Variants in RBMS3 observed in about 807,000 individuals in gnomAD.
RBMS3 encodes the protein RNA binding motif single stranded interacting protein 3, also known as RNA-binding motif, single-stranded-interacting protein 3.
RBMS3 carries 27 observed loss-of-function variants against 66.8 expected under a neutral mutation model. The observed-to-expected ratio is 0.40, with a 90% CI of 0.30 to 0.56. The LOEUF (loss-of-function observed/expected upper bound fraction) is 0.56. RBMS3 is among the 20% of genes least tolerant of loss of function. RBMS3 has a pLI of 0.40. For synonymous variants in RBMS3, 188 were observed against 183.0 expected, an observed-to-expected ratio of 1.03 and a Z score of -0.22; for missense variants, 513 against 549.5, an observed-to-expected ratio of 0.93 and a Z score of 0.66.
chr3:29,450,051 C>A (rs532710412), intron 2 of RBMS3, among the ~76,000 whole-genome samples: 2 of 152,192 alleles, frequency 1.3e-5, no homozygotes, highest in Non-Finnish European at 1.5e-5. Flanking sequence ...GCAGAGGAAC[C>A]ACAGCCCCCA....
chr3:29,922,303 A>C (rs1355143656), intron 10 of RBMS3, among the ~76,000 whole-genome samples: 3 of 151,478 alleles, frequency 2.0e-5, no homozygotes, highest in Non-Finnish European at 4.4e-5. Flanking sequence ...CTGGCTAACA[A>C]GGTGAAACCC....
chr3:29,356,773 T>C (rs1172373792), intron 1 of RBMS3, among the ~76,000 whole-genome samples: 1 of 152,152 alleles, frequency 6.6e-6, no homozygotes, highest in African/African-American at 2.4e-5. Context: ...TTCAGATACC[T>C]AATATGACCA....
intron 5 of RBMS3, among the ~76,000 whole-genome samples, chr3:29,744,536 C>G (rs1240877322): frequency 6.6e-6 from 1 of 152,154 alleles, no homozygotes; most frequent in African/African-American, 2.4e-5. Flanking sequence ...GTAATCCCAG[C>G]ACTTTGGGAG....
At chr3:29,955,263 G>T (rs1465963818) in intron 12 of RBMS3, among the ~76,000 whole-genome samples, 1 of 151,932 alleles carries the variant, frequency 6.6e-6, no homozygotes, top group East Asian at 1.9e-4. Context: ...GAGTCAGCGG[G>T]TTCTCATTCT....
At chr3:29,814,800 A>T (rs2057834275) in intron 6 of RBMS3, among the ~76,000 whole-genome samples, 1 of 152,226 alleles carries the variant, frequency 6.6e-6, no homozygotes, top group East Asian at 1.9e-4. Flanking sequence ...TTTAAAAAAA[A>T]TTGGTATCTC....
rs189979885 is a variant in RBMS3, at chr3:29,849,672, G to A, written c.638-19186G>A. Among the ~76,000 whole-genome samples the A allele has an allele frequency of 6.8e-4, 104 of 152,236 alleles. 1 individual carries two copies. The highest frequency in any genetic ancestry group is 2.4e-3 in the African/African-American group (98 of 41,532). On this transcript the variant is annotated intron_variant, in intron 6 of 14. Coordinates refer to ENST00000383767, the MANE Select transcript of RBMS3 (RefSeq NM_001003793.3). ...TATAGTTATCAAACAAATGGGGAAG[G>A]TCCAATAATGTTAAAAGAACAAAAT...
At chr3:29,869,021 G>A (rs1209554000) in intron 7 of RBMS3, 57 bp downstream of exon 7, 3 of 1,417,830 alleles carry the variant, frequency 2.1e-6, no homozygotes, top group African/African-American at 1.4e-5. Context: ...TCCCTCAGAA[G>A]GTGGCAAGGC....
intron 4 of RBMS3, chr3:29,615,076 T>A (rs1186024770): frequency 3.3e-5 from 5 of 152,460 alleles, no homozygotes; most frequent in African/African-American, 1.2e-4. Flanking sequence ...TTGTGTTCAG[T>A]GACAGCACAT....
intron 1 of RBMS3, among the ~76,000 whole-genome samples, chr3:29,325,035 T>C (rs2035239127): frequency 6.6e-6 from 1 of 152,156 alleles, no homozygotes; most frequent in South Asian, 2.1e-4. Flanking sequence ...CAAGAGAATA[T>C]TGGAAACAAC....
At chr3:29,510,131 T>C (rs1330457896) in intron 3 of RBMS3, among the ~76,000 whole-genome samples, 1 of 152,234 alleles carries the variant, frequency 6.6e-6, no homozygotes, top group Non-Finnish European at 1.5e-5. Flanking sequence ...CTTTAAACAA[T>C]GCTTTAATCA....
chr3:29,808,062 G>C (rs1041239621), intron 6 of RBMS3, among the ~76,000 whole-genome samples: 1 of 151,860 alleles, frequency 6.6e-6, no homozygotes, highest in African/African-American at 2.4e-5. Flanking sequence ...CAGGTTTACT[G>C]TAGTAATCCA....
chr3:29,760,853 G>C (rs1312621515), intron 5 of RBMS3, among the ~76,000 whole-genome samples: 1 of 151,740 alleles, frequency 6.6e-6, no homozygotes, highest in African/African-American at 2.4e-5. Context: ...ACAAAATGCT[G>C]TTTTTGTTTT....
chr3:29,562,866 A>G (rs2046605694), intron 3 of RBMS3, among the ~76,000 whole-genome samples: 1 of 152,196 alleles, frequency 6.6e-6, no homozygotes, highest in Non-Finnish European at 1.5e-5. Flanking sequence ...TAAAAATATA[A>G]TTCCTACAGG....
Position 29,712,624 on chromosome 3 carries a change from T to C in RBMS3, c.400-27096T>C, listed in dbSNP as rs138256006. 5.3e-5 allele frequency among the ~76,000 whole-genome samples: 8 copies of C among 152,286 alleles called. No individual in the cohort carries two copies. The East Asian group carries it at 1.5e-3, about 29-fold the overall frequency. On this transcript the variant is annotated intron_variant, in intron 4 of 14. Coordinates refer to ENST00000383767, the MANE Select transcript of RBMS3 (RefSeq NM_001003793.3). ...CACTATGCCCTGCAGAGATAACATCTAAATCAGTAGACTGAGTAAAGAAGA... is the reference window on the plus strand; with the variant it reads ...CACTATGCCCTGCAGAGATAACATCCAAATCAGTAGACTGAGTAAAGAAGA...
At chr3:29,467,818 G>A (rs2042592935) in intron 2 of RBMS3, among the ~76,000 whole-genome samples, 1 of 152,076 alleles carries the variant, frequency 6.6e-6, no homozygotes, top group Non-Finnish European at 1.5e-5. Context: ...GGCACACAGA[G>A]CTAAATTTCA....
intron 4 of RBMS3, among the ~76,000 whole-genome samples, chr3:29,735,610 T>C (rs1348873179): frequency 6.6e-6 from 1 of 152,198 alleles, no homozygotes; most frequent in African/African-American, 2.4e-5. Flanking sequence ...CTAGGAACTC[T>C]TTTTTCATAG....
intron 6 of RBMS3, among the ~76,000 whole-genome samples, chr3:29,829,535 T>C (rs1222013289): frequency 6.6e-6 from 1 of 152,172 alleles, no homozygotes. Flanking sequence ...CACAACAGTC[T>C]TCTTTTATCT....
intron 6 of RBMS3, among the ~76,000 whole-genome samples, chr3:29,857,551 CT>C (rs1246273483): frequency 5.5e-4 from 63 of 115,236 alleles, no homozygotes; most frequent in African/African-American, 2.1e-3. Context: ...GGACTCTATG[CT>C]TTTTTTGTTA....
intron 2 of RBMS3, among the ~76,000 whole-genome samples, chr3:29,461,580 G>A (rs940086568): frequency 6.6e-6 from 1 of 152,202 alleles, no homozygotes. Context: ...ATAGGACTGA[G>A]CTCTTGAAAT....
Sources: gnomAD v4.1 joint callset for allele counts (sites outside exome capture counted in the v4.1 genomes callset) on GRCh38, gnomAD v4.1.1 for gene constraint, MANE v1.5 for transcripts, NCBI Gene and HGNC (gene_info 2026-07-23, HGNC 2026-07-21) for gene names.